CAMK2D: variants seen among roughly 807,000 people sequenced by gnomAD.
The protein encoded by CAMK2D is calcium/calmodulin-dependent protein kinase type II subunit delta.
Under a neutral mutation model 84.0 loss-of-function variants are expected in CAMK2D, and 37 were observed. The observed-to-expected ratio is 0.44, with a 90% confidence interval of 0.34 to 0.58. CAMK2D has a LOEUF of 0.58. Among genes scored for constraint, CAMK2D ranks in the 20% least tolerant of loss-of-function variants. The pLI is 0.02. For synonymous variants in CAMK2D, 202 were observed against 212.5 expected (o/e 0.95, Z 0.43); for missense variants, 448 against 652.5 (o/e 0.69, Z 3.41).
chr4:113,677,171 A>G (rs1210651149), intron 2 of CAMK2D, among the ~76,000 whole-genome samples: 1 of 152,194 alleles, frequency 6.6e-6, no homozygotes. Flanking sequence ...CTTTTCTTCA[A>G]GGAAGCCATT....
chr4:113,482,184 ATGGCTAAGAAGCT>A (rs1257084838), intron 16 of CAMK2D, among the ~76,000 whole-genome samples: 2 of 152,224 alleles, frequency 1.3e-5, no homozygotes, highest in African/African-American at 4.8e-5. Flanking sequence ...AAGCAGGTCA[ATGGCTAAGAAGCT>A]ATGTCAATAA....
chr4:113,713,705 TC>T (rs1338942237), intron 2 of CAMK2D, among the ~76,000 whole-genome samples: 8 of 151,418 alleles, frequency 5.3e-5, no homozygotes, highest in Non-Finnish European at 8.9e-5. Context: ...ATGTGATAGT[TC>T]TTATCCTTTC....
intron 3 of CAMK2D, among the ~76,000 whole-genome samples, chr4:113,658,860 C>A (rs72893965): frequency 1.1e-3 from 171 of 152,244 alleles, no homozygotes; most frequent in African/African-American, 3.9e-3. Context: ...GTTCAAGGAC[C>A]TAGAATTGTC....
At chr4:113,736,132 T>TA (rs5861147) in intron 2 of CAMK2D, among the ~76,000 whole-genome samples, 138,042 of 145,902 alleles carry the variant, frequency 0.95, 65,649 homozygotes, top group South Asian at 1. Context: ...CTAGTAGAAT[T>TA]AAAAAAAAAA....
At chr4:113,653,848 G>T (rs1201404496) in intron 3 of CAMK2D, among the ~76,000 whole-genome samples, 2 of 151,918 alleles carry the variant, frequency 1.3e-5, no homozygotes, top group Non-Finnish European at 2.9e-5. Context: ...AGAACCTGAG[G>T]AACCTAGAAG....
intron 8 of CAMK2D, among the ~76,000 whole-genome samples, chr4:113,528,651 G>A (rs1172689180): frequency 6.6e-6 from 1 of 151,782 alleles, no homozygotes. Flanking sequence ...CAAATGCAGC[G>A]TTTTAGCTAC....
intron 6 of CAMK2D, among the ~76,000 whole-genome samples, chr4:113,544,023 C>G (rs916037244): frequency 2.6e-5 from 4 of 152,080 alleles, no homozygotes; most frequent in Admixed American, 1.3e-4. Context: ...GATCTCCTGA[C>G]CTCATGATCC....
chr4:113,454,739 T>G (rs2097285027), intron 20 of CAMK2D, among the ~76,000 whole-genome samples: 1 of 152,194 alleles, frequency 6.6e-6, no homozygotes, highest in South Asian at 2.1e-4. Flanking sequence ...AATTATTTTT[T>G]CACACAAAGC....
At chr4:113,760,504 G>A (rs2099638731) in intron 1 of CAMK2D, among the ~76,000 whole-genome samples, 1 of 152,140 alleles carries the variant, frequency 6.6e-6, no homozygotes. Flanking sequence ...ATGCCAAGTT[G>A]AACTTTCGGC....
chr4:113,754,649 GA>G lies in CAMK2D; in HGVS notation c.160+4670del, dbSNP rs540559930. On this transcript the variant is annotated intron_variant, in intron 2 of 20. Transcript: ENST00000511664. Reference sequence around the variant, plus strand: ...TCTTCATTTAATGAAATACAGAAAAGAATTCTATTATTTCCTGGAAGTGTGG... The same window carrying G: ...TCTTCATTTAATGAAATACAGAAAAGATTCTATTATTTCCTGGAAGTGTGG... The G allele has an allele frequency of 4.2e-3, 4,098 of 972,940 alleles. 18 individuals are homozygous for G. The highest frequency in any genetic ancestry group is 0.013 in the Middle Eastern group (24 of 1,888). 60.3% of individuals were successfully genotyped at this position (972,940 alleles called of 1,614,324 possible). A position where few individuals can be genotyped will look rare whatever the true frequency, so the allele number is the denominator to read the frequency against.
intron 3 of CAMK2D, among the ~76,000 whole-genome samples, chr4:113,616,184 A>AAATAGG (rs2099020283): frequency 1.3e-5 from 2 of 152,164 alleles, no homozygotes; most frequent in South Asian, 4.1e-4. Context: ...TAGGAATGAA[A>AAATAGG]ATTAACTTTT....
Position 113,735,289 on chromosome 4 carries a change from GAAAAAAAAAAAAAAAAAAA to G in CAMK2D, c.160+24012_160+24030del, listed in dbSNP as rs769117708. 1.8e-3 allele frequency among the ~76,000 whole-genome samples: 79 copies of G among 44,770 alleles called. 3 individuals carry two copies. The highest frequency in any genetic ancestry group is 0.012 in the Admixed American group (33 of 2,702). 29.4% of individuals were successfully genotyped at this position (44,770 alleles called of 152,430 possible). On this transcript the variant is annotated intron_variant, in intron 2 of 20. Coordinates refer to ENST00000511664, the MANE Select transcript of CAMK2D (RefSeq NM_001321571.2). ...CAACATGGCAAAACCATCTCTACAGGAAAAAAAAAAAAAAAAAAAAAAAAAAAAAAAAAAAATTAGCTGG... is the reference window on the plus strand; with the variant it reads ...CAACATGGCAAAACCATCTCTACAGGAAAAAAAAAAAAAAAAATTAGCTGG...
chr4:113,464,256 T>C (rs994575083), intron 17 of CAMK2D, among the ~76,000 whole-genome samples: 4 of 152,266 alleles, frequency 2.6e-5, no homozygotes, highest in Non-Finnish European at 5.9e-5. Context: ...ACTAGTTTAC[T>C]TGTCATTTAT....
At chr4:113,505,074 A>G in intron 13 of CAMK2D, 39 bp from the exon 14 acceptor site, 2 of 1,291,604 alleles carry the variant, frequency 1.5e-6, no homozygotes, top group South Asian at 2.6e-5. Flanking sequence ...GATGCCTTAA[A>G]CCCCTTGGTA....
intron 4 of CAMK2D, among the ~76,000 whole-genome samples, chr4:113,561,548 G>A (rs2098698914): frequency 6.6e-6 from 1 of 152,120 alleles, no homozygotes; most frequent in Admixed American, 6.5e-5. Flanking sequence ...GTATACTCTA[G>A]TGACTGTGTT....
chr4:113,530,754 T>C (rs2098452551), intron 8 of CAMK2D, among the ~76,000 whole-genome samples: 1 of 152,158 alleles, frequency 6.6e-6, no homozygotes, highest in Non-Finnish European at 1.5e-5. Context: ...TCCTGGCACC[T>C]TGATTTTGAA....
At chr4:113,630,461 A>G (rs1402079826) in intron 3 of CAMK2D, among the ~76,000 whole-genome samples, 1 of 152,188 alleles carries the variant, frequency 6.6e-6, no homozygotes, top group Non-Finnish European at 1.5e-5. Flanking sequence ...TAAGAAATTT[A>G]TTAAACCAAT....
chr4:113,581,529 A>AAGAAAAAGAAAAG (rs1553973874), intron 4 of CAMK2D, among the ~76,000 whole-genome samples: 27 of 121,872 alleles, frequency 2.2e-4, no homozygotes, highest in East Asian at 6.5e-4. Context: ...AAAAAAAAAA[A>AAGAAAAAGAAAAG]AAAAGAAAAG....
At chr4:113,468,158 A>T (rs1032051126) in intron 16 of CAMK2D, among the ~76,000 whole-genome samples, 2 of 152,162 alleles carry the variant, frequency 1.3e-5, no homozygotes, top group Admixed American at 1.3e-4. Flanking sequence ...AATTAGAATC[A>T]TCGGGTGTAT....
Sources: gnomAD v4.1 joint callset for allele counts (sites outside exome capture counted in the v4.1 genomes callset) on GRCh38, gnomAD v4.1.1 for gene constraint, MANE v1.5 for transcripts, NCBI Gene and HGNC (gene_info 2026-07-23, HGNC 2026-07-21) for gene names.